PTPRK: variants seen among roughly 807,000 people sequenced by gnomAD.
PTPRK encodes the protein receptor-type tyrosine-protein phosphatase kappa.
A neutral mutation model predicts 178.0 loss-of-function variants in PTPRK; 75 were observed. That is an observed-to-expected ratio of 0.42 (90% CI 0.35 to 0.51). The LOEUF is 0.51. PTPRK is among the 20% of genes least tolerant of loss of function. The pLI, the probability that PTPRK is intolerant of heterozygous loss-of-function variation, is 0.02. For synonymous variants in PTPRK, 637 were observed against 620.6 expected (o/e 1.03, Z -0.39); for missense variants, 1,441 against 1,797.8 (o/e 0.80, Z 3.59).
In PTPRK at chr6:128,082,414, T is replaced by C. The variant is rs762773211; in HGVS notation, c.1777+23A>G. The C allele has an allele frequency of 1.4e-5, 22 of 1,562,104 alleles. 1 individual carries two copies. The highest frequency in any genetic ancestry group is 1.1e-4 in the African/African-American group (8 of 73,680). On this transcript the variant is annotated intron_variant, in intron 10 of 29. Transcript: ENST00000368226. ...AAACCAATGGCATAATCAATCCTAT[T>C]TGTAATTTATTCATTTGCATACCTG...
intron 7 of PTPRK, among the ~76,000 whole-genome samples, chr6:128,105,180 C>A (rs149403418): frequency 6.6e-6 from 1 of 150,568 alleles, no homozygotes. Context: ...GTCGCCCAGG[C>A]TGGAGTGCAG....
intron 13 of PTPRK, among the ~76,000 whole-genome samples, chr6:128,057,548 T>C (rs1780106844): frequency 6.6e-6 from 1 of 152,224 alleles, no homozygotes; most frequent in African/African-American, 2.4e-5. Flanking sequence ...ATAAGCTTTC[T>C]TGATAGACAG....
intron 1 of PTPRK, among the ~76,000 whole-genome samples, chr6:128,451,335 G>A (rs1310999572): frequency 6.6e-6 from 1 of 152,118 alleles, no homozygotes; most frequent in African/African-American, 2.4e-5. Context: ...ACAAAACAGA[G>A]TATAAATTGC....
chr6:128,212,260 A>G (rs1403246130), intron 6 of PTPRK, among the ~76,000 whole-genome samples: 1 of 151,972 alleles, frequency 6.6e-6, no homozygotes, highest in Admixed American at 6.6e-5. Context: ...TCTTTATTGA[A>G]TACTTAACAT....
chr6:128,236,339 ATTTC>A (rs1267078389), intron 5 of PTPRK, among the ~76,000 whole-genome samples: 1 of 142,454 alleles, frequency 7.0e-6, no homozygotes, highest in Admixed American at 7.1e-5. Context: ...TTTATTCTAA[ATTTC>A]TTTTTTTTTT....
chr6:128,428,377 T>G (rs1179140804), intron 1 of PTPRK, among the ~76,000 whole-genome samples: 1 of 152,194 alleles, frequency 6.6e-6, no homozygotes, highest in Non-Finnish European at 1.5e-5. Context: ...CTAAAGCCTA[T>G]CGTTATCTAT....
chr6:127,982,727 T>G, intron 24 of PTPRK, 104 bp downstream of exon 24: 1 of 996,106 alleles, frequency 1.0e-6, no homozygotes, highest in Non-Finnish European at 1.5e-6. Flanking sequence ...TAAAACAGGA[T>G]CAAAGGTTAT....
At chr6:128,026,151 A>C (rs1774252791) in intron 13 of PTPRK, among the ~76,000 whole-genome samples, 1 of 152,206 alleles carries the variant, frequency 6.6e-6, no homozygotes, top group Non-Finnish European at 1.5e-5. Context: ...GAACAAAATA[A>C]GACAAAGAAG....
chr6:128,218,241 G>A (rs561924589), intron 6 of PTPRK, among the ~76,000 whole-genome samples: 34 of 152,174 alleles, frequency 2.2e-4, no homozygotes, highest in African/African-American at 7.2e-4. Context: ...ATTTACAATC[G>A]TATCTCCAAT....
At chr6:128,182,212 T>A (rs989055264) in intron 7 of PTPRK, among the ~76,000 whole-genome samples, 2 of 152,100 alleles carry the variant, frequency 1.3e-5, no homozygotes, top group Non-Finnish European at 2.9e-5. Context: ...ACAAATTAAA[T>A]GTTTCTCAGA....
At chr6:128,277,694 A>C (rs1820949467) in intron 3 of PTPRK, among the ~76,000 whole-genome samples, 1 of 152,214 alleles carries the variant, frequency 6.6e-6, no homozygotes, top group South Asian at 2.1e-4. Flanking sequence ...TTAGACTAAC[A>C]TTTTAACATG....
intron 3 of PTPRK, among the ~76,000 whole-genome samples, chr6:128,315,297 GAATT>G (rs1341033387): frequency 6.6e-6 from 1 of 151,908 alleles, no homozygotes; most frequent in Non-Finnish European, 1.5e-5. Flanking sequence ...TTATTTTATT[GAATT>G]ATTACTTGGT....
intron 2 of PTPRK, 82 bp downstream of exon 2, chr6:128,397,484 A>G (rs565745892): frequency 8.6e-6 from 13 of 1,518,590 alleles, no homozygotes; most frequent in Non-Finnish European, 1.2e-5. Flanking sequence ...CCATTAAATT[A>G]TTGTTGTTAC....
intron 13 of PTPRK, among the ~76,000 whole-genome samples, chr6:128,031,093 G>A (rs191458616): frequency 3.4e-4 from 52 of 152,192 alleles, no homozygotes; most frequent in Middle Eastern, 3.4e-3. Context: ...AAAATCATAC[G>A]TAGGGACCCA....
intron 13 of PTPRK, among the ~76,000 whole-genome samples, chr6:128,047,550 G>A (rs1325376045): frequency 1.3e-5 from 2 of 152,024 alleles, no homozygotes; most frequent in Admixed American, 1.3e-4. Flanking sequence ...GTGAAGATAA[G>A]TTCCACCAAA....
intron 7 of PTPRK, among the ~76,000 whole-genome samples, chr6:128,151,098 C>T (rs1026621357): frequency 1.3e-5 from 2 of 151,972 alleles, no homozygotes; most frequent in African/African-American, 4.8e-5. Flanking sequence ...CTGAATTCAA[C>T]AAATGTTTGT....
In PTPRK at chr6:128,520,437, G is replaced by T. The variant is rs191717750; in HGVS notation, c.-79C>A. 5 of 1,401,944 alleles carry T rather than the reference G, an allele frequency of 3.6e-6. No individual in the cohort carries two copies. Among genetic ancestry groups the T allele is most frequent in the African/African-American group, 2.8e-5 (2 of 70,200 alleles). 86.8% of individuals were successfully genotyped at this position (1,401,944 alleles called of 1,614,324 possible). On this transcript the variant is annotated 5_prime_UTR_variant, in exon 1 of 30. Coordinates refer to ENST00000368226, the MANE Select transcript of PTPRK (RefSeq NM_002844.4). ...GCCGCGAAATCCACGACGGAGGAGC[G>T]GGCCGGGCCTCGCGGGGTGAGGACG...
intron 7 of PTPRK, among the ~76,000 whole-genome samples, chr6:128,142,864 G>A (rs181830794): frequency 6.6e-6 from 1 of 152,036 alleles, no homozygotes; most frequent in East Asian, 1.9e-4. Flanking sequence ...ATCATATATA[G>A]GGCATGCTAT....
chr6:128,141,776 G>C (rs977526752), intron 7 of PTPRK, among the ~76,000 whole-genome samples: 3 of 151,624 alleles, frequency 2.0e-5, no homozygotes, highest in Non-Finnish European at 2.9e-5. Flanking sequence ...CTTGGGCTTG[G>C]GTTTCTCAAA....
Sources: allele counts gnomAD v4.1 joint callset (sites outside exome capture counted in the v4.1 genomes callset), GRCh38; gene constraint gnomAD v4.1.1; transcripts MANE v1.5; gene names NCBI Gene and HGNC (gene_info 2026-07-23, HGNC 2026-07-21).